Variants in EVI5 observed in about 807,000 individuals in gnomAD.
EVI5 encodes ecotropic viral integration site 5 protein homolog.
EVI5 carries 73 observed loss-of-function variants against 112.0 expected under a neutral mutation model. The ratio of observed to expected loss-of-function variants is 0.65; its 90% CI spans 0.54 to 0.79. The LOEUF (loss-of-function observed/expected upper bound fraction) is 0.79. Ranked by LOEUF, EVI5 falls within the 30% of genes least tolerant of loss-of-function variation. The probability of loss-of-function intolerance (pLI) is 0.00; values close to 1 mark genes in which losing one functional copy is unlikely to be tolerated. For missense variants in EVI5, 900 were observed against 968.8 expected (o/e 0.93, Z 0.94); for synonymous variants, 305 against 319.9 (o/e 0.95, Z 0.50).
intron 18 of EVI5, among the ~76,000 whole-genome samples, chr1:92,591,817 C>T (rs1316981666): frequency 1.3e-5 from 2 of 152,312 alleles, no homozygotes; most frequent in African/African-American, 2.4e-5. Context: ...TTCTTTTCAG[C>T]ACCACACCAC....
chr1:92,563,521 AC>A (rs1483077825), intron 19 of EVI5, 120 bp downstream of exon 19: 2 of 504,706 alleles, frequency 4.0e-6, no homozygotes, highest in African/African-American at 3.9e-5. Flanking sequence ...ATTAATTATA[AC>A]CAATAATTCA....
chr1:92,517,303 T>C (rs1660075581), intron 19 of EVI5, among the ~76,000 whole-genome samples: 1 of 152,186 alleles, frequency 6.6e-6, no homozygotes, highest in Non-Finnish European at 1.5e-5. Flanking sequence ...ACTCAAAGTA[T>C]ATGGGAGGAT....
At chr1:92,635,893 C>G (rs1376066555) in intron 14 of EVI5, among the ~76,000 whole-genome samples, 1 of 152,138 alleles carries the variant, frequency 6.6e-6, no homozygotes, top group African/African-American at 2.4e-5. Context: ...CAGTTAATTT[C>G]TGTCACCTGA....
intron 1 of EVI5, among the ~76,000 whole-genome samples, chr1:92,754,885 T>G (rs140237905): frequency 6.6e-6 from 1 of 152,172 alleles, no homozygotes; most frequent in African/African-American, 2.4e-5. Context: ...AATGACCTCA[T>G]GTGACATATT....
At position 92,696,933 on chromosome 1, in the gene EVI5, G is replaced by C. The variant is rs193277498; in HGVS notation, c.765+927C>G. 6.3e-3 allele frequency among the ~76,000 whole-genome samples: 954 copies of C among 152,080 alleles called. 13 individuals are homozygous for C. Among genetic ancestry groups the C allele is most frequent in the African/African-American group, 0.022 (919 of 41,488 alleles). On this transcript the variant is annotated intron_variant, in intron 6 of 19. Coordinates refer to ENST00000684568, the MANE Select transcript of EVI5 (RefSeq NM_001350197.2). Reference sequence around the variant, plus strand: ...CAGGCACCTGTAGTCCCAGCTACTTGGGAGACTGAGGCAGGAGAATGGCAT... The same window carrying C: ...CAGGCACCTGTAGTCCCAGCTACTTCGGAGACTGAGGCAGGAGAATGGCAT...
chr1:92,632,693 A>G (rs1657462223), intron 14 of EVI5, among the ~76,000 whole-genome samples: 1 of 151,898 alleles, frequency 6.6e-6, no homozygotes, highest in African/African-American at 2.4e-5. Context: ...CTCCGATCTT[A>G]GTTATTTCTT....
At chr1:92,601,705 G>A (rs984690144) in intron 18 of EVI5, among the ~76,000 whole-genome samples, 2 of 151,924 alleles carry the variant, frequency 1.3e-5, no homozygotes, top group African/African-American at 2.4e-5. Context: ...CTAGATGCGG[G>A]GTTAGGGGTA....
chr1:92,763,201 C>G (rs1312503806), intron 1 of EVI5, among the ~76,000 whole-genome samples: 1 of 151,970 alleles, frequency 6.6e-6, no homozygotes, highest in Admixed American at 6.6e-5. Context: ...CCTGGGAGGT[C>G]AAGACTGCAG....
chr1:92,718,891 A>C (rs917128234), intron 2 of EVI5, among the ~76,000 whole-genome samples: 1 of 152,156 alleles, frequency 6.6e-6, no homozygotes, highest in African/African-American at 2.4e-5. Flanking sequence ...AGAAATACAA[A>C]CTACCGTCAG....
intron 13 of EVI5, among the ~76,000 whole-genome samples, chr1:92,662,324 T>C (rs1664167912): frequency 6.6e-6 from 1 of 152,220 alleles, no homozygotes; most frequent in African/African-American, 2.4e-5. Flanking sequence ...TGCTGGATAA[T>C]GTTTCATCTG....
chr1:92,589,803 C>T lies in EVI5; in HGVS notation c.2070+15504G>A, dbSNP rs549434250. 2.8e-4 allele frequency among the ~76,000 whole-genome samples: 43 copies of T among 152,248 alleles called. 1 individual carries two copies. The highest frequency in any genetic ancestry group is 2.5e-3 in the Admixed American group (38 of 15,292). On this transcript the variant is annotated intron_variant, in intron 18 of 19. Transcript: ENST00000684568. ...AGCACGCAGCTTGAGATCTGAGAAC[C>T]GACAGACTGCCTCCTCAAGTGGGGC...
chr1:92,607,558 A>T, intron 17 of EVI5, 23 bp downstream of exon 17: 1 of 1,525,330 alleles, frequency 6.6e-7, no homozygotes, highest in Middle Eastern at 1.7e-4. Context: ...CAAAAAACAA[A>T]ATCAGTTAGT....
At chr1:92,784,313 G>A (rs1685304573) in intron 1 of EVI5, 1 of 985,230 alleles carries the variant, frequency 1.0e-6, no homozygotes, top group African/African-American at 1.7e-5. Context: ...TTCAGGAATG[G>A]CTACAAACTC....
intron 2 of EVI5, among the ~76,000 whole-genome samples, chr1:92,716,997 G>A (rs1673823613): frequency 1.3e-5 from 2 of 151,708 alleles, no homozygotes; most frequent in African/African-American, 4.8e-5. Context: ...AGCTAAAGGA[G>A]GATGTTCGAA....
In EVI5 at chr1:92,513,120, C is replaced by G. The variant is rs558233352; in HGVS notation, c.*536G>C. 6.6e-6 allele frequency: 1 copy of G among 151,176 alleles called. No homozygotes were observed. Among genetic ancestry groups the G allele is most frequent in the East Asian group, 1.9e-4 (1 of 5,136 alleles). The allele number at this position is 151,176 out of a possible 1,614,324, so 9.4% of individuals were successfully genotyped here. ...CTAAGATCACACCACAGCACTCCAG[C>G]CTGGGTGACAGACTGAATCTCTGTC... On this transcript the variant is annotated 3_prime_UTR_variant, in exon 20 of 20. Coordinates refer to ENST00000684568, the MANE Select transcript of EVI5 (RefSeq NM_001350197.2).
intron 19 of EVI5, among the ~76,000 whole-genome samples, chr1:92,528,692 C>A (rs1421287399): frequency 1.3e-5 from 2 of 152,166 alleles, no homozygotes; most frequent in African/African-American, 4.8e-5. Context: ...TCCAAAACCC[C>A]AAATAACTCA....
chr1:92,533,224 A>G (rs1663212501), intron 19 of EVI5, among the ~76,000 whole-genome samples: 1 of 151,948 alleles, frequency 6.6e-6, no homozygotes, highest in African/African-American at 2.4e-5. Context: ...ACATACACCC[A>G]AGACTAAAGC....
At chr1:92,740,854 G>A (rs958019583) in intron 1 of EVI5, among the ~76,000 whole-genome samples, 1 of 152,082 alleles carries the variant, frequency 6.6e-6, no homozygotes, top group African/African-American at 2.4e-5. Context: ...TTAATTGTAT[G>A]GCAGTCTTAG....
At chr1:92,596,391 A>C (rs1042170747) in intron 18 of EVI5, among the ~76,000 whole-genome samples, 27 of 152,110 alleles carry the variant, frequency 1.8e-4, no homozygotes, top group African/African-American at 5.3e-4. Flanking sequence ...AACAAAAAAA[A>C]CCCCAAAACC....
Sources: allele counts gnomAD v4.1 joint callset (sites outside exome capture counted in the v4.1 genomes callset), GRCh38; gene constraint gnomAD v4.1.1; transcripts MANE v1.5; gene names NCBI Gene and HGNC (gene_info 2026-07-23, HGNC 2026-07-21).